Variants in OPCML observed in about 807,000 individuals in gnomAD.
OPCML encodes opioid binding protein/cell adhesion molecule like.
Under a neutral mutation model 37.8 loss-of-function variants are expected in OPCML, and 13 were observed. The ratio of observed to expected loss-of-function variants is 0.34; its 90% CI spans 0.22 to 0.55. The LOEUF (loss-of-function observed/expected upper bound fraction) is 0.55, where lower values mean the gene tolerates loss of function less well. Among genes scored for constraint, OPCML ranks in the 20% least tolerant of loss-of-function variants. The probability of loss-of-function intolerance (pLI) is 0.91; values close to 1 mark genes in which losing one functional copy is unlikely to be tolerated. For synonymous variants in OPCML, 176 were observed against 168.8 expected (o/e 1.04, Z -0.33); for missense variants, 341 against 435.6 (o/e 0.78, Z 1.93).
At chr11:133,270,642 A>G (rs1433331553) in intron 1 of OPCML, among the ~76,000 whole-genome samples, 4 of 152,214 alleles carry the variant, frequency 2.6e-5, no homozygotes, top group Non-Finnish European at 5.9e-5. Flanking sequence ...GAGTGGAAAC[A>G]CTGTAAACAG....
chr11:132,883,272 TA>T (rs34832931), intron 2 of OPCML, among the ~76,000 whole-genome samples: 23,198 of 144,656 alleles, frequency 0.16, 2,046 homozygotes, highest in Middle Eastern at 0.24. Context: ...ATGCCTACTT[TA>T]AAAAAAAAAA....
intron 2 of OPCML, among the ~76,000 whole-genome samples, chr11:132,778,730 A>G (rs550713004): frequency 5.0e-4 from 76 of 152,300 alleles, no homozygotes; most frequent in African/African-American, 1.8e-3. Context: ...AGTTCCGCGA[A>G]GTCATTTCAC....
At chr11:132,942,380 T>A (rs977026689) in intron 2 of OPCML, among the ~76,000 whole-genome samples, 2 of 152,132 alleles carry the variant, frequency 1.3e-5, no homozygotes, top group Non-Finnish European at 2.9e-5. Flanking sequence ...CTGTCATAAT[T>A]TACAATAGGG....
chr11:133,250,530 A>G (rs1592141259), intron 1 of OPCML, among the ~76,000 whole-genome samples: 1 of 99,456 alleles, frequency 1.0e-5, no homozygotes, highest in Admixed American at 1.3e-4. Context: ...GAAGGGAGGG[A>G]GGGAGGGAAG....
chr11:133,293,877 G>GAA (rs201726110), intron 1 of OPCML, among the ~76,000 whole-genome samples: 5 of 90,424 alleles, frequency 5.5e-5, no homozygotes, highest in African/African-American at 1.3e-4. Flanking sequence ...ACATCCTAAA[G>GAA]AAAAAAAAAA....
intron 1 of OPCML, among the ~76,000 whole-genome samples, chr11:132,993,638 C>T (rs918345243): frequency 6.6e-6 from 1 of 152,124 alleles, no homozygotes; most frequent in Non-Finnish European, 1.5e-5. Context: ...AGAGCCCCTG[C>T]CCTCCGCGAG....
At chr11:133,091,754 G>A (rs1002111400) in intron 1 of OPCML, among the ~76,000 whole-genome samples, 4 of 152,132 alleles carry the variant, frequency 2.6e-5, no homozygotes, top group African/African-American at 9.7e-5. Context: ...ACAGCTGGAG[G>A]GAAATTTCTC....
At chr11:133,367,187 T>C (rs10894673) in intron 1 of OPCML, among the ~76,000 whole-genome samples, 49,931 of 151,970 alleles carry the variant, frequency 0.33, 10,097 homozygotes, top group African/African-American at 0.58. Context: ...CCATGTTGGC[T>C]AGGATGGTCT....
At chr11:132,457,599 A>G (rs955327700) in intron 4 of OPCML, among the ~76,000 whole-genome samples, 1 of 152,216 alleles carries the variant, frequency 6.6e-6, no homozygotes, top group African/African-American at 2.4e-5. Context: ...GACTGTGAAG[A>G]CATGCCAAAG....
At chr11:132,989,863 CCT>C (rs1946744280) in intron 1 of OPCML, among the ~76,000 whole-genome samples, 1 of 152,020 alleles carries the variant, frequency 6.6e-6, no homozygotes, top group East Asian at 1.9e-4. Context: ...GAAAATAAAG[CCT>C]TCCACTGCAT....
intron 2 of OPCML, among the ~76,000 whole-genome samples, chr11:132,687,861 C>A (rs578082341): frequency 3.3e-5 from 5 of 152,152 alleles, no homozygotes; most frequent in South Asian, 4.1e-4. Flanking sequence ...GAGGGGTAGA[C>A]TTTTTTAGAG....
chr11:132,527,407 T>G (rs775799977), intron 4 of OPCML, among the ~76,000 whole-genome samples: 1 of 152,202 alleles, frequency 6.6e-6, no homozygotes, highest in Non-Finnish European at 1.5e-5. Context: ...TTATCAGCCT[T>G]TATAATTTTA....
chr11:133,508,769 T>G (rs1948092990), intron 1 of OPCML, among the ~76,000 whole-genome samples: 1 of 152,172 alleles, frequency 6.6e-6, no homozygotes, highest in African/African-American at 2.4e-5. Context: ...CCACGCCGGA[T>G]GCAGCTGGGT....
chr11:132,839,083 C>T lies in OPCML; in HGVS notation c.146+103843G>A, dbSNP rs372911997. Among the ~76,000 whole-genome samples, 10 of 152,358 alleles carry T rather than the reference C, an allele frequency of 6.6e-5. No homozygotes were observed. The South Asian group carries it at 1.0e-3, about 16-fold the overall frequency. ...CATGAGCTGTTTAGCCTCCCAAACACCGCATTTTCCTCAACAGAAAATTCA... is the reference window on the plus strand; with the variant it reads ...CATGAGCTGTTTAGCCTCCCAAACATCGCATTTTCCTCAACAGAAAATTCA... On this transcript the variant is annotated intron_variant, in intron 2 of 7. Coordinates refer to ENST00000524381, the MANE Select transcript of OPCML (RefSeq NM_001012393.5).
intron 1 of OPCML, chr11:133,423,190 C>G (rs1293902471): frequency 3.0e-6 from 3 of 985,228 alleles, no homozygotes; most frequent in Non-Finnish European, 3.6e-6. Context: ...TAACTTTATT[C>G]TTCAGTACTC....
chr11:132,721,906 G>C (rs934951127), intron 2 of OPCML, among the ~76,000 whole-genome samples: 1 of 142,438 alleles, frequency 7.0e-6, no homozygotes, highest in Admixed American at 6.9e-5. Context: ...AGAGGGAGCT[G>C]TTTATGTGCT....
At chr11:132,511,701 GA>G (rs938511317) in intron 4 of OPCML, among the ~76,000 whole-genome samples, 215 of 151,640 alleles carry the variant, frequency 1.4e-3, no homozygotes, top group Middle Eastern at 0.01. Context: ...GAGCTGTATG[GA>G]AAAAAAATGA....
At chr11:132,540,070 A>C (rs2137361623) in intron 3 of OPCML, among the ~76,000 whole-genome samples, 1 of 152,276 alleles carries the variant, frequency 6.6e-6, no homozygotes, top group South Asian at 2.1e-4. Context: ...GAGCAAGTGA[A>C]AATGAAACTG....
intron 1 of OPCML, among the ~76,000 whole-genome samples, chr11:133,489,192 A>C (rs2120423122): frequency 6.6e-6 from 1 of 152,276 alleles, no homozygotes; most frequent in African/African-American, 2.4e-5. Flanking sequence ...CCAAGTTCCC[A>C]AAAGCAACTT....
Sources: gnomAD v4.1 joint callset for allele counts (sites outside exome capture counted in the v4.1 genomes callset) on GRCh38, gnomAD v4.1.1 for gene constraint, MANE v1.5 for transcripts, NCBI Gene and HGNC (gene_info 2026-07-23, HGNC 2026-07-21) for gene names.